Variants in ATP5MJ observed in about 807,000 individuals in gnomAD.
ATP5MJ encodes the protein ATP synthase membrane subunit j.
ATP5MJ carries 4 observed loss-of-function variants against 8.3 expected under a neutral mutation model. The ratio of observed to expected loss-of-function variants is 0.48; its 90% CI spans 0.24 to 1.11. The LOEUF is 1.11. Among genes scored for constraint, ATP5MJ ranks in the 50% least tolerant of loss-of-function variants. ATP5MJ has a pLI of 0.18. For synonymous variants in ATP5MJ, 23 were observed against 21.3 expected (o/e 1.08, Z -0.23); for missense variants, 66 against 71.8 (o/e 0.92, Z 0.29).
intron 1 of ATP5MJ, among the ~76,000 whole-genome samples, chr14:103,918,322 C>A (rs2087641876): frequency 6.6e-6 from 1 of 152,012 alleles, no homozygotes. Context: ...GGTCAGCTCT[C>A]AACTGTGGGC....
intron 1 of ATP5MJ, among the ~76,000 whole-genome samples, chr14:103,918,423 G>A (rs189590169): frequency 3.3e-4 from 50 of 151,932 alleles, no homozygotes; most frequent in African/African-American, 1.1e-3. Flanking sequence ...GTGCAGTGGC[G>A]GATCTCGGCT....
chr14:103,917,480 G>GT (rs558219678), intron 1 of ATP5MJ, among the ~76,000 whole-genome samples: 1 of 151,690 alleles, frequency 6.6e-6, no homozygotes, highest in Admixed American at 6.6e-5. Flanking sequence ...TTGCTTTAGG[G>GT]TTTTTTTGTT....
At chr14:103,917,965 T>C (rs1376861208) in intron 1 of ATP5MJ, 2 of 152,236 alleles carry the variant, frequency 1.3e-5, no homozygotes, top group Middle Eastern at 3.1e-3. Flanking sequence ...AGAGGACTTA[T>C]TTAGGCAAGG....
chr14:103,918,642 G>A (rs992014295), intron 1 of ATP5MJ, among the ~76,000 whole-genome samples: 1 of 152,046 alleles, frequency 6.6e-6, no homozygotes, highest in African/African-American at 2.4e-5. Context: ...TTACAGGCGT[G>A]GGCCACCAGG....
At chr14:103,915,916 G>A (rs2087622180) in intron 1 of ATP5MJ, among the ~76,000 whole-genome samples, 1 of 152,076 alleles carries the variant, frequency 6.6e-6, no homozygotes, top group African/African-American at 2.4e-5. Flanking sequence ...CTCCCACCCT[G>A]ATGCCATGCC....
chr14:103,921,247 GT>G, intron 1 of ATP5MJ: 1 of 541,412 alleles, frequency 1.8e-6, no homozygotes, highest in South Asian at 2.2e-5. Flanking sequence ...CACTGAGCGC[GT>G]TAAGGCCAAG....
At chr14:103,914,921 CCCTGTATTTTT>C in intron 2 of ATP5MJ, 134 bp downstream of exon 2, 1 of 964,614 alleles carries the variant, frequency 1.0e-6, no homozygotes, top group Non-Finnish European at 1.5e-6. Flanking sequence ...GACATGTGCT[CCCTGTATTTTT>C]TACGAAGGAC....
At chr14:103,912,874 A>G in intron 3 of ATP5MJ, 180 bp from the exon 4 acceptor site, 1 of 618,964 alleles carries the variant, frequency 1.6e-6, no homozygotes, top group Non-Finnish European at 2.8e-6. Context: ...TTAAGGGTTC[A>G]TGTAATGACA....
At chr14:103,916,740 T>C (rs533848639) in intron 1 of ATP5MJ, among the ~76,000 whole-genome samples, 24 of 152,230 alleles carry the variant, frequency 1.6e-4, no homozygotes, top group Admixed American at 1.2e-3. Context: ...AGTGAGACTC[T>C]GTCTCAAAAA....
chr14:103,920,974 G>C (rs1031460545), intron 1 of ATP5MJ: 8 of 1,551,594 alleles, frequency 5.2e-6, no homozygotes, highest in Non-Finnish European at 7.0e-6. Flanking sequence ...TGACCCGCGA[G>C]TTCCATACAA....
intron 3 of ATP5MJ, 49 bp downstream of exon 3, chr14:103,913,912 C>G: frequency 6.3e-7 from 1 of 1,588,246 alleles, no homozygotes; most frequent in Non-Finnish European, 8.6e-7. Context: ...CCTGAAAAGA[C>G]ATGATGCTGT....
intron 1 of ATP5MJ, chr14:103,921,203 C>A: frequency 1.6e-6 from 1 of 608,700 alleles, no homozygotes; most frequent in South Asian, 1.9e-5. Flanking sequence ...GGCCAAGGTA[C>A]GCTCCCTGTC....
At chr14:103,914,842 AAAAAAAAAAAAAAAAG>A in intron 2 of ATP5MJ, 1 of 394,840 alleles carries the variant, frequency 2.5e-6, no homozygotes, top group Non-Finnish European at 4.3e-6. Context: ...GTCTCCAAAA[AAAAAAAAAAAAAAAAG>A]AAAAGAAAAG....
Position 103,912,294 on chromosome 14 carries a change from G to T in ATP5MJ, c.*372C>A. On this transcript the variant is annotated 3_prime_UTR_variant, in exon 4 of 4. Transcript: ENST00000286953. ...GCTCAGAGAGGCCACAAGATAAGTA[G>T]CAGGATCAAGTTTAATAAACGTTTA... 4.9e-6 allele frequency: 1 copy of T among 202,192 alleles called. No individual in the cohort carries two copies. The highest frequency in any genetic ancestry group is 9.9e-6 in the Non-Finnish European group (1 of 101,126). The allele number at this position is 202,192 out of a possible 1,614,324, so 12.5% of individuals were successfully genotyped here.
In ATP5MJ at chr14:103,914,909, CT is replaced by C. The variant is rs1468785346; in HGVS notation, c.124+156del. 5.1e-6 allele frequency: 4 copies of C among 788,510 alleles called. No homozygotes were observed. In the Admixed American group the frequency reaches 1.4e-4, roughly 28 times the overall value. 48.8% of individuals were successfully genotyped at this position (788,510 alleles called of 1,614,324 possible). ...CACTGTCCCCAAATGTCTTTTATAGCTGACATGTGCTCCCTGTATTTTTTAC... is the reference window on the plus strand; with the variant it reads ...CACTGTCCCCAAATGTCTTTTATAGCGACATGTGCTCCCTGTATTTTTTAC... On this transcript the variant is annotated intron_variant, in intron 2 of 3. Transcript: ENST00000286953.
intron 1 of ATP5MJ, among the ~76,000 whole-genome samples, chr14:103,919,743 AT>A (rs1048670650): frequency 6.6e-5 from 10 of 152,096 alleles, no homozygotes; most frequent in African/African-American, 2.4e-4. Flanking sequence ...TAGCTTGCAA[AT>A]ACCTTTCCCT....
At chr14:103,913,789 A>G in intron 3 of ATP5MJ, 172 bp downstream of exon 3, 1 of 722,104 alleles carries the variant, frequency 1.4e-6, no homozygotes, top group Non-Finnish European at 2.3e-6. Flanking sequence ...GAAATTCAGA[A>G]TTCTCTTTCC....
chr14:103,917,081 G>C (rs2087631590), intron 1 of ATP5MJ, among the ~76,000 whole-genome samples: 1 of 152,188 alleles, frequency 6.6e-6, no homozygotes, highest in South Asian at 2.1e-4. Context: ...TAAAGGGTCA[G>C]GATATCTGGG....
At chr14:103,917,178 C>G (rs1008770625) in intron 1 of ATP5MJ, among the ~76,000 whole-genome samples, 1 of 152,184 alleles carries the variant, frequency 6.6e-6, no homozygotes, top group Non-Finnish European at 1.5e-5. Context: ...GTGCCAGATT[C>G]AAATCCTGGC....
Sources: allele counts gnomAD v4.1 joint callset (sites outside exome capture counted in the v4.1 genomes callset), GRCh38; gene constraint gnomAD v4.1.1; transcripts MANE v1.5; gene names NCBI Gene and HGNC (gene_info 2026-07-23, HGNC 2026-07-21).